The following INKA2 variants were observed in gnomAD, a reference collection of about 807,000 sequenced individuals.
INKA2 encodes the protein inka box actin regulator 2, also known as PAK4-inhibitor INKA2.
A neutral mutation model predicts 9.8 loss-of-function variants in INKA2; 3 were observed. The observed-to-expected ratio is 0.31, with a 90% CI of 0.14 to 0.79. The LOEUF (loss-of-function observed/expected upper bound fraction) is 0.79, where lower values mean the gene tolerates loss of function less well. Among genes scored for constraint, INKA2 ranks in the 30% least tolerant of loss-of-function variants. INKA2 has a pLI of 0.62. For missense variants in INKA2, 392 were observed against 384.4 expected (o/e 1.02, Z -0.17); for synonymous variants, 147 against 143.3 (o/e 1.03, Z -0.18).
intron 1 of INKA2, among the ~76,000 whole-genome samples, chr1:111,748,670 CCT>C (rs1663325700): frequency 6.6e-6 from 1 of 152,228 alleles, no homozygotes; most frequent in Admixed American, 6.5e-5. Context: ...CTCCCCTCCC[CCT>C]GACCTGATGC....
rs1383370004 is a variant in INKA2, at chr1:111,723,047, T to C, written c.*3921A>G. 5 of 701,884 alleles carry C rather than the reference T, an allele frequency of 7.1e-6. No homozygotes were observed. Among genetic ancestry groups the C allele is most frequent in the Middle Eastern group, 4.6e-4 (2 of 4,382 alleles). The allele number at this position is 701,884 out of a possible 1,614,324, so 43.5% of individuals were successfully genotyped here. A position where few individuals can be genotyped will look rare whatever the true frequency, so the allele number is the denominator to read the frequency against. On this transcript the variant is annotated 3_prime_UTR_variant, in exon 2 of 2. Coordinates refer to ENST00000357260, the MANE Select transcript of INKA2 (RefSeq NM_019099.5). ...AAGCTTCCACAGTGACAGAGGGGGC[T>C]CTCAAATCTTAACTCCAAGTCTAGT...
chr1:111,730,857 CA>C (rs1284284970), intron 1 of INKA2, among the ~76,000 whole-genome samples: 4 of 152,154 alleles, frequency 2.6e-5, no homozygotes, highest in African/African-American at 9.7e-5. Flanking sequence ...ACCCATAAAA[CA>C]CATATTGAAT....
intron 1 of INKA2, chr1:111,747,763 T>A (rs1323601680): frequency 6.6e-6 from 1 of 152,200 alleles, no homozygotes; most frequent in Non-Finnish European, 1.5e-5. Flanking sequence ...ATTGAAGGCA[T>A]CTGAAATAGA....
intron 1 of INKA2, chr1:111,747,825 TGTGA>T (rs1557916519): frequency 6.9e-6 from 1 of 145,470 alleles, no homozygotes; most frequent in Non-Finnish European, 1.5e-5. Flanking sequence ...CATATATGTG[TGTGA>T]GTGTGTGTGT....
In INKA2 at chr1:111,749,445, T is replaced by TGTGCGC. The variant is rs1491114794; in HGVS notation, n.124+6255_124+6256insGCGCAC. On this transcript the variant is annotated intron_variant and non_coding_transcript_variant, in intron 1 of 1. Transcript: ENST00000444059. The stretch of plus-strand genomic sequence containing the variant: ...GGGTGTGTGTGTGTGTGTGTGTGTG[T>TGTGCGC]GCGCGCGCGCGCGTGCTAGGGAGCC... Among the ~76,000 whole-genome samples, 10 of 113,854 alleles carry TGTGCGC rather than the reference T, an allele frequency of 8.8e-5. 1 individual carries two copies. The highest frequency in any genetic ancestry group is 1.9e-4 in the Non-Finnish European group (9 of 46,848). 74.7% of individuals were successfully genotyped at this position (113,854 alleles called of 152,430 possible). A position where few individuals can be genotyped will look rare whatever the true frequency, so the allele number is the denominator to read the frequency against.
intron 1 of INKA2, among the ~76,000 whole-genome samples, chr1:111,750,477 T>G (rs1336249651): frequency 1.3e-5 from 2 of 152,226 alleles, no homozygotes; most frequent in African/African-American, 2.4e-5. Context: ...GCCAGTTCAC[T>G]GAACAGATGG....
Position 111,723,116 on chromosome 1 carries a change from T to C in INKA2, c.*3852A>G, listed in dbSNP as rs1291612501. 4 of 700,248 alleles carry C rather than the reference T, an allele frequency of 5.7e-6. No homozygotes were observed. The highest frequency in any genetic ancestry group is 1.0e-5 in the Non-Finnish European group (4 of 383,782). 43.4% of individuals were successfully genotyped at this position (700,248 alleles called of 1,614,324 possible). A position where few individuals can be genotyped will look rare whatever the true frequency, so the allele number is the denominator to read the frequency against. On this transcript the variant is annotated 3_prime_UTR_variant, in exon 2 of 2. Coordinates refer to ENST00000357260, the MANE Select transcript of INKA2 (RefSeq NM_019099.5). ...GCAGAAGTGCCTTAACTGCACCGGATGGGGAAGGCACCTGAGGTGGGTTCT... is the reference window on the plus strand; with the variant it reads ...GCAGAAGTGCCTTAACTGCACCGGACGGGGAAGGCACCTGAGGTGGGTTCT...
intron 1 of INKA2, among the ~76,000 whole-genome samples, chr1:111,738,418 T>G (rs1663053543): frequency 6.9e-6 from 1 of 144,240 alleles, no homozygotes; most frequent in Non-Finnish European, 1.5e-5. Context: ...ACTGAGCTAC[T>G]TCTCCCCCTC....
intron 1 of INKA2, among the ~76,000 whole-genome samples, chr1:111,747,976 C>A (rs1571602368): frequency 6.6e-6 from 1 of 152,166 alleles, no homozygotes; most frequent in African/African-American, 2.4e-5. Context: ...ATTGCTGTTT[C>A]TGGTGTTGCT....
chr1:111,735,291 CTT>C (rs1181244391), intron 1 of INKA2, among the ~76,000 whole-genome samples: 2 of 152,202 alleles, frequency 1.3e-5, no homozygotes, highest in Non-Finnish European at 2.9e-5. Context: ...ATGAATGACT[CTT>C]ACGCAAAACA....
chr1:111,752,052 T>C (rs1381071327), intron 1 of INKA2, among the ~76,000 whole-genome samples: 2 of 152,138 alleles, frequency 1.3e-5, no homozygotes, highest in Non-Finnish European at 2.9e-5. Flanking sequence ...ACTGCTGGCA[T>C]GATGACCATT....
intron 1 of INKA2, among the ~76,000 whole-genome samples, chr1:111,733,184 C>A (rs1393924506): frequency 6.6e-6 from 1 of 152,206 alleles, no homozygotes; most frequent in Non-Finnish European, 1.5e-5. Context: ...TCCATGAACA[C>A]ATCTCCTATC....
intron 1 of INKA2, among the ~76,000 whole-genome samples, chr1:111,744,787 G>C (rs896858430): frequency 4.6e-5 from 7 of 151,958 alleles, no homozygotes; most frequent in African/African-American, 1.7e-4. Context: ...TCACCATATT[G>C]GCCAGACTGG....
intron 1 of INKA2, among the ~76,000 whole-genome samples, chr1:111,737,291 A>G (rs1663027148): frequency 3.3e-5 from 5 of 152,230 alleles, no homozygotes; most frequent in Admixed American, 3.3e-4. Flanking sequence ...AGCTCAGTGC[A>G]GATTCCTATT....
chr1:111,728,070 C>CACACACACACACACACACAT (rs1184555425), intron 1 of INKA2, among the ~76,000 whole-genome samples: 4,314 of 148,130 alleles, frequency 0.029, 104 homozygotes, highest in Non-Finnish European at 0.036. Context: ...CACACACACA[C>CACACACACACACACACACAT]ACAGACATTT....
upstream of INKA2, chr1:111,739,522 G>A (rs1267168077): frequency 2.1e-5 from 22 of 1,033,476 alleles, no homozygotes; most frequent in Non-Finnish European, 2.8e-5. Flanking sequence ...GGGCTGGGCG[G>A]CCGAGGCGGA....
intron 1 of INKA2, among the ~76,000 whole-genome samples, chr1:111,731,390 G>T (rs537376813): frequency 3.4e-5 from 5 of 147,992 alleles, no homozygotes; most frequent in Non-Finnish European, 6.0e-5. Flanking sequence ...TTGCTGTGTT[G>T]CCCAGGCTGG....
At chr1:111,738,818 C>T (rs1663067209) in intron 1 of INKA2, among the ~76,000 whole-genome samples, 1 of 152,068 alleles carries the variant, frequency 6.6e-6, no homozygotes, top group South Asian at 2.1e-4. Flanking sequence ...GCTCCCCAGG[C>T]CTTCGCTCTC....
At chr1:111,736,196 AGT>A (rs945605743) in intron 1 of INKA2, among the ~76,000 whole-genome samples, 5 of 152,164 alleles carry the variant, frequency 3.3e-5, no homozygotes, top group African/African-American at 1.2e-4. Context: ...CTAATGAAGA[AGT>A]GTGTCAGCTG....
Sources: allele counts gnomAD v4.1 joint callset (sites outside exome capture counted in the v4.1 genomes callset), GRCh38; gene constraint gnomAD v4.1.1; transcripts MANE v1.5; gene names NCBI Gene and HGNC (gene_info 2026-07-23, HGNC 2026-07-21).